METTL8: variants seen among roughly 807,000 people sequenced by gnomAD.
METTL8 encodes tRNA N(3)-cytidine methyltransferase METTL8, mitochondrial.
A neutral mutation model predicts 48.7 loss-of-function variants in METTL8; 32 were observed. The observed-to-expected ratio is 0.66, with a 90% CI of 0.50 to 0.88. METTL8 has a LOEUF of 0.88. Among genes scored for constraint, METTL8 ranks in the 40% least tolerant of loss-of-function variants. The pLI is 0.00. For missense variants in METTL8, 464 were observed against 474.4 expected (o/e 0.98, Z 0.20); for synonymous variants, 136 against 157.1 (o/e 0.87, Z 1.01).
chr2:171,356,952 A>ATGTTTTGT, intron 3 of METTL8, among the ~76,000 whole-genome samples: 1 of 78,468 alleles, frequency 1.3e-5, no homozygotes, highest in Non-Finnish European at 2.4e-5. Flanking sequence ...CAAAGACAAT[A>ATGTTTTGT]TTTTTTTTTT....
rs560262080 is a variant in METTL8, at chr2:171,319,254, G to A, written c.*4918C>T. Reference sequence around the variant, plus strand: ...GAATTGACAATGCACTTTCACAAGCGGGGAAAATACCCACGCCAACACTAA... The same window carrying A: ...GAATTGACAATGCACTTTCACAAGCAGGGAAAATACCCACGCCAACACTAA... On this transcript the variant is annotated 3_prime_UTR_variant, in exon 10 of 10. Coordinates refer to ENST00000375258, the MANE Select transcript of METTL8 (RefSeq NM_001321154.2). 3.3e-5 allele frequency: 5 copies of A among 152,214 alleles called. No homozygotes were observed. The highest frequency in any genetic ancestry group is 4.2e-4 in the South Asian group (2 of 4,818). 9.4% of individuals were successfully genotyped at this position (152,214 alleles called of 1,614,324 possible).
chr2:171,369,768 C>CA (rs1686111499), intron 2 of METTL8, among the ~76,000 whole-genome samples: 1 of 151,776 alleles, frequency 6.6e-6, no homozygotes, highest in Admixed American at 6.6e-5. Context: ...AAATTGGATA[C>CA]AAAAAATTAT....
chr2:171,340,498 CA>C (rs760579218), intron 3 of METTL8, among the ~76,000 whole-genome samples: 1,161 of 42,976 alleles, frequency 0.027, 7 homozygotes, highest in African/African-American at 0.086. Flanking sequence ...TGAGTTGTCT[CA>C]AAAAAAAAAA....
At chr2:171,426,202 C>T (rs1236217241) in intron 1 of METTL8, among the ~76,000 whole-genome samples, 1 of 151,836 alleles carries the variant, frequency 6.6e-6, no homozygotes, top group Admixed American at 6.6e-5. Context: ...AACAAAAAGC[C>T]TGGCTAGTAG....
intron 3 of METTL8, among the ~76,000 whole-genome samples, chr2:171,350,554 G>A (rs973747511): frequency 3.9e-5 from 6 of 152,120 alleles, no homozygotes; most frequent in African/African-American, 1.2e-4. Flanking sequence ...TTCCACAATG[G>A]TTGAACTAGT....
chr2:171,384,183 G>A (rs1017762539), intron 2 of METTL8, among the ~76,000 whole-genome samples: 8 of 152,190 alleles, frequency 5.3e-5, no homozygotes, highest in South Asian at 2.1e-4. Flanking sequence ...AGACATAAAA[G>A]GTCGCATTGT....
chr2:171,376,340 C>A (rs1046950654), intron 2 of METTL8, among the ~76,000 whole-genome samples: 2 of 152,126 alleles, frequency 1.3e-5, no homozygotes, highest in Non-Finnish European at 2.9e-5. Context: ...ATCCTGAGTT[C>A]CTTTGGTCTT....
At chr2:171,375,236 G>T (rs1000569010) in intron 2 of METTL8, 1 of 1,225,546 alleles carries the variant, frequency 8.2e-7, no homozygotes, top group Non-Finnish European at 1.2e-6. Context: ...ACGTGGCCGC[G>T]GCCCTTTTTG....
chr2:171,411,379 T>A (rs1690730974), intron 1 of METTL8, among the ~76,000 whole-genome samples: 2 of 151,994 alleles, frequency 1.3e-5, no homozygotes, highest in South Asian at 4.2e-4. Flanking sequence ...TTGTGTTGGG[T>A]GGAGTTGGGG....
rs147767237 is a variant in METTL8 at position 171,362,566 on chromosome 2, AAAATAAAT to A, written c.144-2061_144-2054del. ...CGAAACTGTTTTCCTTAAAAAAATA[AAAATAAAT>A]AAATAAATAAATAAATAAATAAATA... On this transcript the variant is annotated intron_variant, in intron 2 of 9. Transcript: ENST00000375258. Among the ~76,000 whole-genome samples, 800 of 146,002 alleles carry A rather than the reference AAAATAAAT, an allele frequency of 5.5e-3. 11 individuals are homozygous for A. The highest frequency in any genetic ancestry group is 0.018 in the African/African-American group (714 of 40,260).
intron 2 of METTL8, among the ~76,000 whole-genome samples, chr2:171,390,831 A>G (rs919335153): frequency 1.3e-5 from 2 of 152,206 alleles, no homozygotes; most frequent in African/African-American, 4.8e-5. Flanking sequence ...CATAATTTAG[A>G]CAACAAAGAA....
At chr2:171,385,651 G>C (rs1408857424) in intron 2 of METTL8, among the ~76,000 whole-genome samples, 4 of 152,172 alleles carry the variant, frequency 2.6e-5, no homozygotes, top group East Asian at 1.9e-4. Flanking sequence ...CAACCCCTTG[G>C]GGGGTATGCT....
intron 5 of METTL8, 80 bp from the exon 6 acceptor site, chr2:171,331,947 G>T: frequency 1.0e-6 from 1 of 1,003,492 alleles, no homozygotes; most frequent in Non-Finnish European, 1.5e-6. Flanking sequence ...GTGTAGTAAC[G>T]TGACCATAGC....
intron 1 of METTL8, among the ~76,000 whole-genome samples, chr2:171,422,045 G>A (rs1388628353): frequency 1.3e-5 from 2 of 152,198 alleles, no homozygotes; most frequent in African/African-American, 4.8e-5. Flanking sequence ...TCCTAAAGAA[G>A]AGGAGTAAGA....
chr2:171,418,924 C>T lies in METTL8; in HGVS notation c.-13+14959G>A, dbSNP rs113256930. On this transcript the variant is annotated intron_variant, in intron 1 of 9. Transcript: ENST00000375258. ...GAGCCGAGATCATGCCACTGTACTC[C>T]AGCCTGGGTGACTATACTCCAGTAT... is the stretch of plus-strand genomic sequence containing the variant. Among the ~76,000 whole-genome samples, 504 of 152,086 alleles carry T rather than the reference C, an allele frequency of 3.3e-3. 1 individual carries two copies. The highest frequency in any genetic ancestry group is 0.011 in the African/African-American group (462 of 41,466).
chr2:171,325,779 A>C lies in METTL8; in HGVS notation c.1033+62T>G, dbSNP rs1223352610. The C allele has an allele frequency of 9.1e-6, 9 of 988,136 alleles. No individual in the cohort carries two copies. In the East Asian group the frequency reaches 2.3e-4, roughly 25 times the overall value. The allele number at this position is 988,136 out of a possible 1,614,324, so 61.2% of individuals were successfully genotyped here. A position where few individuals can be genotyped will look rare whatever the true frequency, so the allele number is the denominator to read the frequency against. On this transcript the variant is annotated intron_variant, in intron 9 of 9. Coordinates refer to ENST00000375258, the MANE Select transcript of METTL8 (RefSeq NM_001321154.2). Reference sequence around the variant, plus strand: ...GTTTCATAGCTTCTGAGCTATAATCAATGAGATAATAACTAACAAGAACGA... The same window carrying C: ...GTTTCATAGCTTCTGAGCTATAATCCATGAGATAATAACTAACAAGAACGA...
At chr2:171,370,401 T>TA (rs1240451360) in intron 2 of METTL8, among the ~76,000 whole-genome samples, 1 of 152,190 alleles carries the variant, frequency 6.6e-6, no homozygotes, top group Non-Finnish European at 1.5e-5. Flanking sequence ...TCTGACAATA[T>TA]AAAAAATGTT....
intron 2 of METTL8, 70 bp downstream of exon 2, chr2:171,391,973 T>A: frequency 3.4e-6 from 5 of 1,449,796 alleles, no homozygotes; most frequent in Non-Finnish European, 4.6e-6. Flanking sequence ...TTCTTAATTC[T>A]AAATGAAAAT....
At chr2:171,412,750 G>A (rs549968180) in intron 1 of METTL8, among the ~76,000 whole-genome samples, 2 of 149,322 alleles carry the variant, frequency 1.3e-5, no homozygotes, top group East Asian at 1.9e-4. Flanking sequence ...GCAGTTTCAC[G>A]TAAGCATTTC....
Sources: gnomAD v4.1 joint callset for allele counts (sites outside exome capture counted in the v4.1 genomes callset) on GRCh38, gnomAD v4.1.1 for gene constraint, MANE v1.5 for transcripts, NCBI Gene and HGNC (gene_info 2026-07-23, HGNC 2026-07-21) for gene names.